Variants in RTF1 observed in about 807,000 individuals in gnomAD.
RTF1 encodes the protein RTF1 homolog, Paf1/RNA polymerase II complex component, also known as RNA polymerase-associated protein RTF1 homolog.
In RTF1, 10 loss-of-function variants were observed where a neutral mutation model predicts 95.7. The ratio of observed to expected loss-of-function variants is 0.10; its 90% CI spans 0.06 to 0.18. The LOEUF (loss-of-function observed/expected upper bound fraction) is 0.18, where lower values mean the gene tolerates loss of function less well. Among genes scored for constraint, RTF1 ranks in the 10% least tolerant of loss-of-function variants. The probability of loss-of-function intolerance (pLI) is 1.00; values close to 1 mark genes in which losing one functional copy is unlikely to be tolerated. For synonymous variants in RTF1, 305 were observed against 311.8 expected, an observed-to-expected ratio of 0.98 and a Z score of 0.23; for missense variants, 458 against 875.6, an observed-to-expected ratio of 0.52 and a Z score of 6.02.
At chr15:41,454,398 A>T (rs1168028312) in intron 3 of RTF1, among the ~76,000 whole-genome samples, 1 of 152,100 alleles carries the variant, frequency 6.6e-6, no homozygotes, top group Non-Finnish European at 1.5e-5. Flanking sequence ...GCCATAAAAA[A>T]ATTTTTTTTT....
intron 1 of RTF1, among the ~76,000 whole-genome samples, chr15:41,434,280 G>C (rs1266399639): frequency 6.6e-6 from 1 of 151,800 alleles, no homozygotes; most frequent in Non-Finnish European, 1.5e-5. Flanking sequence ...ACTGCACCTA[G>C]CACAAATGTT....
At chr15:41,427,235 T>C (rs1490659852) in intron 1 of RTF1, among the ~76,000 whole-genome samples, 2 of 144,508 alleles carry the variant, frequency 1.4e-5, no homozygotes, top group Admixed American at 7.3e-5. Context: ...CACTGCAAGC[T>C]CCGCCTCCCG....
At position 41,470,880 on chromosome 15, in the gene RTF1, G is replaced by A. The variant is rs149292089; in HGVS notation, c.1026-292G>A. Among the ~76,000 whole-genome samples the A allele has an allele frequency of 4.0e-3, 601 of 151,870 alleles. 8 individuals are homozygous for A. The highest frequency in any genetic ancestry group is 0.035 in the East Asian group (182 of 5,156). On this transcript the variant is annotated intron_variant, in intron 7 of 17. Transcript: ENST00000389629. The stretch of plus-strand genomic sequence containing the variant: ...TCACTGTTTTAGCCGGGATGGTCTC[G>A]ATCTCCTGACCTCGTGATCCGCCCG...
At chr15:41,422,642 C>G (rs915915034) in intron 1 of RTF1, among the ~76,000 whole-genome samples, 10 of 152,292 alleles carry the variant, frequency 6.6e-5, no homozygotes, top group East Asian at 1.9e-4. Flanking sequence ...TATGTGCACA[C>G]TGGGATGCTT....
intron 1 of RTF1, among the ~76,000 whole-genome samples, chr15:41,432,196 CTTTT>C (rs1324449834): frequency 2.9e-5 from 4 of 136,912 alleles, no homozygotes; most frequent in Admixed American, 7.4e-5. Context: ...GTTAGGTTTT[CTTTT>C]TTTTTTTTTT....
intron 16 of RTF1, 26 bp from the exon 17 acceptor site, chr15:41,480,188 C>A: frequency 1.4e-6 from 2 of 1,422,146 alleles, no homozygotes; most frequent in South Asian, 1.1e-5. Flanking sequence ...ATGCTCTTAC[C>A]ATTAGCTTTC....
Position 41,466,161 on chromosome 15 carries a change from A to G in RTF1, c.798A>G (p.Glu266=), listed in dbSNP as rs1372659095. The change falls in exon 6 of 18, where the codon GAA becomes GAG. Residue 266 remains glutamate, a synonymous_variant. Transcript: ENST00000389629. The part of the protein sequence containing the change: ...QESQVTSHNK[E]RRSKRDEKLD... ...CCTAGGTAACATCCCACAACAAGGA[A>G]CGGCGTTCCAAGCGGGATGAGAAAC... 1 of 1,586,006 alleles carries G rather than the reference A, an allele frequency of 6.3e-7. No individual in the cohort carries two copies. The highest frequency in any genetic ancestry group is 8.6e-7 in the Non-Finnish European group (1 of 1,167,336).
At chr15:41,466,394 C>T in intron 6 of RTF1, 142 bp downstream of exon 6, 1 of 485,616 alleles carries the variant, frequency 2.1e-6, no homozygotes, top group East Asian at 3.5e-5. Context: ...TCCACAAACC[C>T]ATCATCCAGC....
chr15:41,481,696 C>T lies in RTF1; in HGVS notation c.*1009C>T, dbSNP rs2140661634. 1 of 152,724 alleles carries T rather than the reference C, an allele frequency of 6.5e-6. No individual in the cohort carries two copies. The highest frequency in any genetic ancestry group is 2.1e-4 in the South Asian group (1 of 4,822). 9.5% of individuals were successfully genotyped at this position (152,724 alleles called of 1,614,324 possible). A position where few individuals can be genotyped will look rare whatever the true frequency, so the allele number is the denominator to read the frequency against. ...TTCTCACCCAGTATACCAGCCTCTT[C>T]CTGGTGATTCTGTTTTGCTGCTTTG... On this transcript the variant is annotated 3_prime_UTR_variant, in exon 18 of 18. Coordinates refer to ENST00000389629, the MANE Select transcript of RTF1 (RefSeq NM_015138.5).
chr15:41,422,380 T>C (rs1226741495), intron 1 of RTF1, among the ~76,000 whole-genome samples: 1 of 152,224 alleles, frequency 6.6e-6, no homozygotes, highest in Non-Finnish European at 1.5e-5. Flanking sequence ...TGTCCTTATT[T>C]TGACCACACC....
intron 1 of RTF1, among the ~76,000 whole-genome samples, chr15:41,426,787 G>GTGTA (rs1474232489): frequency 2.6e-5 from 3 of 117,342 alleles, no homozygotes; most frequent in Non-Finnish European, 5.2e-5. Flanking sequence ...ATATATGTGT[G>GTGTA]TGTGTGTGTG....
chr15:41,461,778 C>T (rs894531329), intron 4 of RTF1, among the ~76,000 whole-genome samples: 9 of 151,604 alleles, frequency 5.9e-5, no homozygotes, highest in Non-Finnish European at 7.4e-5. Context: ...TGTGAGCCAC[C>T]GTGCCCGCCG....
chr15:41,479,454 G>A (rs574078496), intron 16 of RTF1, among the ~76,000 whole-genome samples: 134 of 152,148 alleles, frequency 8.8e-4, no homozygotes, highest in Non-Finnish European at 7.6e-4. Context: ...CCCCTTTTCT[G>A]CTGTGTAAAA....
intron 1 of RTF1, among the ~76,000 whole-genome samples, chr15:41,420,968 C>T (rs2050597483): frequency 6.6e-6 from 1 of 152,178 alleles, no homozygotes; most frequent in Non-Finnish European, 1.5e-5. Flanking sequence ...TAGTAACACA[C>T]TATAAGTATT....
chr15:41,441,238 T>G (rs1224209741), intron 2 of RTF1, among the ~76,000 whole-genome samples: 1 of 152,180 alleles, frequency 6.6e-6, no homozygotes, highest in Non-Finnish European at 1.5e-5. Flanking sequence ...CCCAAAGTGC[T>G]GGGATTACAG....
chr15:41,456,807 C>T (rs1413073499), intron 3 of RTF1, among the ~76,000 whole-genome samples: 2 of 151,270 alleles, frequency 1.3e-5, no homozygotes, highest in Admixed American at 6.6e-5. Flanking sequence ...ATAAATAGGC[C>T]GAGCATGGTG....
intron 8 of RTF1, among the ~76,000 whole-genome samples, chr15:41,473,427 C>A (rs558540880): frequency 6.6e-6 from 1 of 150,892 alleles, no homozygotes; most frequent in Non-Finnish European, 1.5e-5. Flanking sequence ...CCACCACGCC[C>A]GGCCCAGGTG....
At chr15:41,418,874 A>T (rs2050585975) in intron 1 of RTF1, among the ~76,000 whole-genome samples, 1 of 150,816 alleles carries the variant, frequency 6.6e-6, no homozygotes, top group Non-Finnish European at 1.5e-5. Flanking sequence ...TTTTTTTTTG[A>T]GACGGAGTCT....
intron 3 of RTF1, among the ~76,000 whole-genome samples, chr15:41,456,020 G>A (rs915069126): frequency 6.6e-6 from 1 of 151,940 alleles, no homozygotes; most frequent in Non-Finnish European, 1.5e-5. Flanking sequence ...AGACCAGCTG[G>A]ACCAACATAT....
Sources: allele counts gnomAD v4.1 joint callset (sites outside exome capture counted in the v4.1 genomes callset), GRCh38; gene constraint gnomAD v4.1.1; transcripts MANE v1.5; gene names NCBI Gene and HGNC (gene_info 2026-07-23, HGNC 2026-07-21).